Variants in CTNNA2 observed in about 807,000 individuals in gnomAD.
The protein encoded by CTNNA2 is catenin alpha-2.
CTNNA2 carries 42 observed loss-of-function variants against 101.0 expected under a neutral mutation model. The ratio of observed to expected loss-of-function variants is 0.42; its 90% confidence interval spans 0.32 to 0.54. CTNNA2 has a LOEUF of 0.54. Among genes scored for constraint, CTNNA2 ranks in the 20% least tolerant of loss-of-function variants. The probability of loss-of-function intolerance (pLI) is 0.14; values close to 1 mark genes in which losing one functional copy is unlikely to be tolerated. For synonymous variants in CTNNA2, 450 were observed against 456.4 expected, an observed-to-expected ratio of 0.99 and a Z score of 0.18; for missense variants, 871 against 1,223.1, an observed-to-expected ratio of 0.71 and a Z score of 4.29.
intron 7 of CTNNA2, 120 bp downstream of exon 7, chr2:79,909,917 A>C: frequency 9.7e-7 from 1 of 1,027,298 alleles, no homozygotes; most frequent in Non-Finnish European, 1.4e-6. Context: ...AAAGAGAGTC[A>C]GGTGAAACCA....
At position 79,920,004 on chromosome 2, in the gene CTNNA2, G is replaced by T. The variant is rs556312344; in HGVS notation, c.1056+10207G>T. On this transcript the variant is annotated intron_variant, in intron 7 of 18. Coordinates refer to ENST00000402739, the MANE Select transcript of CTNNA2 (RefSeq NM_001282597.3). Reference sequence around the variant, plus strand: ...GGCCGAGGTGGGTGGATTACCTGAGGTCAGGAGTTCGAGACCAGCCTGACT... The same window carrying T: ...GGCCGAGGTGGGTGGATTACCTGAGTTCAGGAGTTCGAGACCAGCCTGACT... Among the ~76,000 whole-genome samples the T allele has an allele frequency of 1.1e-4, 16 of 152,152 alleles. No individual in the cohort carries two copies. The East Asian group carries it at 3.1e-3, about 29-fold the overall frequency.
At chr2:79,330,012 T>C (rs1260457574) in intron 3 of CTNNA2, among the ~76,000 whole-genome samples, 1 of 152,140 alleles carries the variant, frequency 6.6e-6, no homozygotes, top group African/African-American at 2.4e-5. Context: ...GGCCTCTGTC[T>C]GTAAAACAGC....
intron 2 of CTNNA2, among the ~76,000 whole-genome samples, chr2:79,276,497 G>A (rs751676376): frequency 3.3e-5 from 5 of 152,064 alleles, no homozygotes; most frequent in African/African-American, 7.2e-5. Flanking sequence ...TTTGCCTGAT[G>A]TAATGTTTGT....
At chr2:79,609,288 A>G (rs1678112775) in intron 1 of CTNNA2, among the ~76,000 whole-genome samples, 1 of 152,020 alleles carries the variant, frequency 6.6e-6, no homozygotes, top group East Asian at 1.9e-4. Context: ...CATATACGAC[A>G]GCCAGTTATT....
rs541820018 is a variant in CTNNA2, at chr2:80,528,483, A to C, written c.1291-16499A>C. On this transcript the variant is annotated intron_variant, in intron 9 of 18. Coordinates refer to ENST00000402739, the MANE Select transcript of CTNNA2 (RefSeq NM_001282597.3). The stretch of plus-strand genomic sequence containing the variant: ...AGTGCTGGGATTACAGGCGTGAGCC[A>C]CCGTGCCCAGCCCTTAGCCATACAT... 3.3e-5 allele frequency among the ~76,000 whole-genome samples: 5 copies of C among 152,250 alleles called. No homozygotes were observed. In the East Asian group the frequency reaches 9.7e-4, roughly 29 times the overall value.
At chr2:80,163,197 G>T in intron 7 of CTNNA2, 2 of 1,251,196 alleles carry the variant, frequency 1.6e-6, no homozygotes, top group Non-Finnish European at 1.2e-6. Flanking sequence ...TTCATTTCAA[G>T]GTTGCCCACA....
chr2:79,409,781 G>A (rs113557855), intron 4 of CTNNA2, among the ~76,000 whole-genome samples: 60 of 145,134 alleles, frequency 4.1e-4, no homozygotes, highest in African/African-American at 1.3e-3. Flanking sequence ...TTGGTGATGC[G>A]GGCTCTTTTT....
intron 4 of CTNNA2, among the ~76,000 whole-genome samples, chr2:79,859,903 T>C (rs1681454584): frequency 6.6e-6 from 1 of 152,122 alleles, no homozygotes; most frequent in South Asian, 2.1e-4. Flanking sequence ...CTAATGGCAG[T>C]GGAGCCCTCA....
chr2:80,024,041 G>A (rs1036869896), intron 7 of CTNNA2, among the ~76,000 whole-genome samples: 1 of 148,460 alleles, frequency 6.7e-6, no homozygotes, highest in Non-Finnish European at 1.5e-5. Flanking sequence ...GAGCCAAGAT[G>A]GCGCCACTGC....
At chr2:79,894,066 C>CTTCT (rs1684523505) in intron 6 of CTNNA2, among the ~76,000 whole-genome samples, 5 of 136,386 alleles carry the variant, frequency 3.7e-5, no homozygotes, top group African/African-American at 1.1e-4. Context: ...CTTCTTCTTC[C>CTTCT]TCCTCCTCCT....
At chr2:79,351,741 A>C (rs899875403) in intron 3 of CTNNA2, among the ~76,000 whole-genome samples, 6 of 152,298 alleles carry the variant, frequency 3.9e-5, no homozygotes, top group African/African-American at 1.4e-4. Context: ...CACTGCATCC[A>C]TACTGATGAT....
chr2:79,535,579 A>C (rs1673007578), intron 1 of CTNNA2, among the ~76,000 whole-genome samples: 1 of 152,150 alleles, frequency 6.6e-6, no homozygotes, highest in Non-Finnish European at 1.5e-5. Context: ...GACATTTAAA[A>C]AAATTATGCC....
chr2:80,223,125 A>G (rs1708668253), intron 7 of CTNNA2, among the ~76,000 whole-genome samples: 1 of 152,152 alleles, frequency 6.6e-6, no homozygotes, highest in African/African-American at 2.4e-5. Flanking sequence ...TGTAAATTCT[A>G]TGGGCTGTCC....
intron 2 of CTNNA2, among the ~76,000 whole-genome samples, chr2:79,683,276 G>A (rs1292499335): frequency 6.6e-6 from 1 of 152,134 alleles, no homozygotes; most frequent in Non-Finnish European, 1.5e-5. Context: ...TCTCCTTAGG[G>A]CCTTTCTAGA....
At chr2:80,205,756 T>A (rs1177401231) in intron 7 of CTNNA2, among the ~76,000 whole-genome samples, 2 of 152,212 alleles carry the variant, frequency 1.3e-5, no homozygotes, top group Non-Finnish European at 2.9e-5. Flanking sequence ...CTTAAGGTAC[T>A]CCTCAAATAG....
At chr2:79,850,620 G>A (rs1558579330) in intron 3 of CTNNA2, among the ~76,000 whole-genome samples, 1 of 152,178 alleles carries the variant, frequency 6.6e-6, no homozygotes, top group Non-Finnish European at 1.5e-5. Flanking sequence ...GGTTTTAAGA[G>A]GATAGACCGC....
intron 9 of CTNNA2, among the ~76,000 whole-genome samples, chr2:80,488,741 A>G (rs1044922499): frequency 2.0e-5 from 3 of 152,208 alleles, no homozygotes; most frequent in African/African-American, 7.2e-5. Flanking sequence ...CCCACTTTAT[A>G]GTCATAGAAC....
intron 4 of CTNNA2, among the ~76,000 whole-genome samples, chr2:79,409,358 A>G (rs1032839032): frequency 6.6e-6 from 1 of 152,012 alleles, no homozygotes; most frequent in Non-Finnish European, 1.5e-5. Flanking sequence ...GGTGTTTTAG[A>G]CATGAAGTCC....
chr2:79,965,328 T>C (rs1048131989), intron 7 of CTNNA2, among the ~76,000 whole-genome samples: 69 of 152,226 alleles, frequency 4.5e-4, no homozygotes, highest in African/African-American at 1.6e-3. Context: ...TTGGGAATGT[T>C]ACATGGAATA....
Sources: allele counts gnomAD v4.1 joint callset (sites outside exome capture counted in the v4.1 genomes callset), GRCh38; gene constraint gnomAD v4.1.1; transcripts MANE v1.5; gene names NCBI Gene and HGNC (gene_info 2026-07-23, HGNC 2026-07-21).